Variants in GRIN3A observed in about 807,000 individuals in gnomAD.
The protein encoded by GRIN3A is glutamate ionotropic receptor NMDA type subunit 3A, also known as glutamate receptor ionotropic, NMDA 3A.
Under a neutral mutation model 92.4 loss-of-function variants are expected in GRIN3A, and 47 were observed. The observed-to-expected ratio is 0.51, with a 90% CI of 0.40 to 0.65. The LOEUF (loss-of-function observed/expected upper bound fraction) is 0.65. Ranked by LOEUF, GRIN3A falls within the 30% of genes least tolerant of loss-of-function variation. The pLI, the probability that GRIN3A is intolerant of heterozygous loss-of-function variation, is 0.00. For synonymous variants in GRIN3A, 527 were observed against 540.6 expected (o/e 0.97, Z 0.35); for missense variants, 1,324 against 1,393.1 (o/e 0.95, Z 0.79).
chr9:101,581,070 G>A (rs564211122), intron 6 of GRIN3A, among the ~76,000 whole-genome samples: 9 of 152,288 alleles, frequency 5.9e-5, no homozygotes, highest in South Asian at 2.1e-4. Context: ...ACTCTTCTGC[G>A]TATCATGGGA....
chr9:101,610,619 A>ATCTG (rs1554717174), intron 6 of GRIN3A, among the ~76,000 whole-genome samples: 9,011 of 150,602 alleles, frequency 0.06, 410 homozygotes, highest in East Asian at 0.1. Context: ...CTATCTATCT[A>ATCTG]TCTATCATCT....
intron 1 of GRIN3A, among the ~76,000 whole-genome samples, chr9:101,717,678 C>A (rs1829964208): frequency 6.6e-6 from 1 of 151,302 alleles, no homozygotes; most frequent in South Asian, 2.1e-4. Flanking sequence ...TACTTTTCAT[C>A]AACTTTGACT....
chr9:101,593,850 T>C (rs896294309), intron 6 of GRIN3A: 1 of 152,702 alleles, frequency 6.5e-6, no homozygotes, highest in Non-Finnish European at 1.5e-5. Context: ...TCTGGATGCA[T>C]TGTGGGGAAT....
intron 5 of GRIN3A, among the ~76,000 whole-genome samples, chr9:101,615,854 C>T (rs1010205190): frequency 6.6e-6 from 1 of 152,104 alleles, no homozygotes; most frequent in East Asian, 1.9e-4. Context: ...GGAGGAAAAA[C>T]ACATTGATAT....
intron 6 of GRIN3A, among the ~76,000 whole-genome samples, chr9:101,603,380 G>A (rs750266458): frequency 1.3e-5 from 2 of 152,226 alleles, no homozygotes; most frequent in Middle Eastern, 3.4e-3. Flanking sequence ...CCAGGTGTTC[G>A]CCATAAACGA....
chr9:101,601,680 T>C (rs1221722411), intron 6 of GRIN3A, among the ~76,000 whole-genome samples: 1 of 152,142 alleles, frequency 6.6e-6, no homozygotes, highest in African/African-American at 2.4e-5. Context: ...TCCTGGTGGT[T>C]TGTGGTCATC....
chr9:101,573,663 G>A, intron 8 of GRIN3A, 150 bp from the exon 9 acceptor site: 1 of 688,478 alleles, frequency 1.5e-6, no homozygotes, highest in Non-Finnish European at 2.6e-6. Flanking sequence ...TACCTGCTAG[G>A]GTGTCATGGG....
At position 101,738,057 on chromosome 9, in the gene GRIN3A, G is replaced by C. The variant is rs1830242397; in HGVS notation, c.-78C>G. The C allele has an allele frequency of 2.4e-6, 3 of 1,238,582 alleles. No homozygotes were observed. The allele number at this position is 1,238,582 out of a possible 1,614,324, so 76.7% of individuals were successfully genotyped here. ...TCTGCAGCCGCTGCCTGAGGTCTCC[G>C]CCTCCAGGTCCCGCGCGCAGCTTCA... On this transcript the variant is annotated 5_prime_UTR_variant, in exon 1 of 9. Transcript: ENST00000361820.
intron 1 of GRIN3A, among the ~76,000 whole-genome samples, chr9:101,711,289 C>T (rs1205398550): frequency 6.6e-6 from 1 of 152,100 alleles, no homozygotes; most frequent in Non-Finnish European, 1.5e-5. Flanking sequence ...AACCAACAGG[C>T]GGGTAGTGCA....
At chr9:101,686,164 G>T (rs915461428) in intron 2 of GRIN3A, among the ~76,000 whole-genome samples, 2 of 152,156 alleles carry the variant, frequency 1.3e-5, no homozygotes, top group African/African-American at 4.8e-5. Context: ...AAAAGAGTGG[G>T]TAGGAAAAGA....
chr9:101,700,013 C>A (rs1829734387), intron 1 of GRIN3A, among the ~76,000 whole-genome samples: 1 of 152,150 alleles, frequency 6.6e-6, no homozygotes, highest in Non-Finnish European at 1.5e-5. Context: ...GCCTCATTCT[C>A]AAGGTGTATT....
intron 3 of GRIN3A, among the ~76,000 whole-genome samples, chr9:101,663,164 A>C (rs1249057403): frequency 6.6e-6 from 1 of 151,722 alleles, no homozygotes; most frequent in Non-Finnish European, 1.5e-5. Flanking sequence ...TAACATCCTC[A>C]TCAACTTCCC....
intron 3 of GRIN3A, among the ~76,000 whole-genome samples, chr9:101,669,383 G>C (rs939591618): frequency 2.6e-5 from 4 of 152,088 alleles, no homozygotes; most frequent in Admixed American, 6.6e-5. Context: ...CTTAGGGTCA[G>C]ATGTCTAGGA....
chr9:101,623,334 C>G lies in GRIN3A; in HGVS notation c.2598G>C (p.Lys866Asn), dbSNP rs755010391. 6.2e-7 allele frequency: 1 copy of G among 1,611,048 alleles called. No individual in the cohort carries two copies. Among genetic ancestry groups the G allele is most frequent in the South Asian group, 1.1e-5 (1 of 91,012 alleles). ...DADCKLLTVGKPFAIEGYGIG... is the reference protein window; with the variant it reads ...DADCKLLTVGNPFAIEGYGIG... ...GATTAATACCTTCTATGGCAAATGGCTTCCCCACAGTGAGAAGTTTGCAGT... is the reference window on the plus strand; with the variant it reads ...GATTAATACCTTCTATGGCAAATGGGTTCCCCACAGTGAGAAGTTTGCAGT... Residue 866 changes from lysine (K) to asparagine (N), a missense_variant, in exon 5 of 9, where the codon AAG (lysine) becomes AAC (asparagine). By Grantham distance (94) the Lys-to-Asn change is moderately conservative. Coordinates refer to ENST00000361820, the MANE Select transcript of GRIN3A (RefSeq NM_133445.3).
At chr9:101,594,847 C>G (rs1220597185) in intron 6 of GRIN3A, 1 of 1,606,688 alleles carries the variant, frequency 6.2e-7, no homozygotes, top group African/African-American at 1.3e-5. Flanking sequence ...TCTTAAACCT[C>G]CTGCCCAGCC....
intron 1 of GRIN3A, among the ~76,000 whole-genome samples, chr9:101,699,211 C>A (rs182465191): frequency 1.3e-5 from 2 of 151,998 alleles, no homozygotes; most frequent in African/African-American, 4.8e-5. Flanking sequence ...TTAGCCTAGG[C>A]CTACACAGGT....
Position 101,613,477 on chromosome 9 carries a change from C to A in GRIN3A, c.2665G>T (p.Glu889Ter). 1.9e-6 allele frequency: 3 copies of A among 1,614,076 alleles called. No homozygotes were observed. The highest frequency in any genetic ancestry group is 2.5e-6 in the Non-Finnish European group (3 of 1,179,978). The part of the protein sequence containing the change: ...PNSPLTANIS[E>*]LISQYKSHGF... ...TGTGACTTGTATTGACTGATTAGCT[C>A]GGATATGTTGGCGGTCAATGGAGAG... Residue 889 changes from glutamate (E) to a stop codon, truncating the protein, a stop_gained, in exon 6 of 9, where the codon GAG becomes TAG. Coordinates refer to ENST00000361820, the MANE Select transcript of GRIN3A (RefSeq NM_133445.3). LOFTEE classifies it high-confidence loss of function.
intron 1 of GRIN3A, among the ~76,000 whole-genome samples, chr9:101,699,135 T>A (rs1288288875): frequency 2.6e-5 from 4 of 152,172 alleles, no homozygotes; most frequent in Non-Finnish European, 5.9e-5. Context: ...ATTCTATAAG[T>A]TTTTTTGTAT....
chr9:101,579,400 A>T, intron 6 of GRIN3A, 40 bp from the exon 7 acceptor site: 1 of 1,599,630 alleles, frequency 6.3e-7, no homozygotes, highest in Non-Finnish European at 8.6e-7. Flanking sequence ...GAATACAATG[A>T]TATACCTGGC....
Sources: gnomAD v4.1 joint callset for allele counts (sites outside exome capture counted in the v4.1 genomes callset) on GRCh38, gnomAD v4.1.1 for gene constraint, MANE v1.5 for transcripts, NCBI Gene and HGNC (gene_info 2026-07-23, HGNC 2026-07-21) for gene names.